Variants in PREX2 observed in about 807,000 individuals in gnomAD.
PREX2 encodes phosphatidylinositol-3,4,5-trisphosphate dependent Rac exchange factor 2.
PREX2 carries 107 observed loss-of-function variants against 203.2 expected under a neutral mutation model. The ratio of observed to expected loss-of-function variants is 0.53; its 90% CI spans 0.45 to 0.62. PREX2 has a LOEUF of 0.62. Among genes scored for constraint, PREX2 ranks in the 20% least tolerant of loss-of-function variants. The pLI, the probability that PREX2 is intolerant of heterozygous loss-of-function variation, is 0.00. For synonymous variants in PREX2, 672 were observed against 663.6 expected (o/e 1.01, Z -0.19); for missense variants, 1,777 against 1,955.9 (o/e 0.91, Z 1.72).
chr8:68,024,852 T>G (rs796357166), intron 4 of PREX2, among the ~76,000 whole-genome samples: 10 of 152,096 alleles, frequency 6.6e-5, no homozygotes, highest in African/African-American at 2.4e-4. Flanking sequence ...TCTTAACATA[T>G]CAAATCCATA....
Position 68,233,173 on chromosome 8 carries a change from T to A in PREX2, c.*1795T>A, listed in dbSNP as rs949813186. 6.6e-6 allele frequency: 1 copy of A among 152,228 alleles called. No individual in the cohort carries two copies. Among genetic ancestry groups the A allele is most frequent in the Non-Finnish European group, 1.5e-5 (1 of 68,038 alleles). The allele number at this position is 152,228 out of a possible 1,614,324, so 9.4% of individuals were successfully genotyped here. ...TCAAGAAAAAGTTGAACATTTTGAA[T>A]TTAATAAAGATATCTTTACAAAAAT... is the stretch of plus-strand genomic sequence containing the variant. On this transcript the variant is annotated 3_prime_UTR_variant, in exon 40 of 40. Coordinates refer to ENST00000288368, the MANE Select transcript of PREX2 (RefSeq NM_024870.4).
chr8:68,077,778 A>G (rs988931890), intron 15 of PREX2, among the ~76,000 whole-genome samples: 1 of 152,194 alleles, frequency 6.6e-6, no homozygotes, highest in Admixed American at 6.5e-5. Context: ...TTAAGCTCAT[A>G]AACCTCTTTG....
chr8:68,106,466 A>G (rs1013968531), intron 23 of PREX2: 4 of 407,634 alleles, frequency 9.8e-6, no homozygotes. Context: ...TCATTTTGTT[A>G]ATAATTTCCT....
intron 1 of PREX2, among the ~76,000 whole-genome samples, chr8:67,959,512 A>G (rs1805575696): frequency 6.6e-6 from 1 of 152,118 alleles, no homozygotes; most frequent in African/African-American, 2.4e-5. Context: ...TAAAAAGGGA[A>G]CTAAAGCAGT....
chr8:68,022,219 G>T, intron 4 of PREX2, 79 bp downstream of exon 4: 1 of 750,316 alleles, frequency 1.3e-6, no homozygotes, highest in East Asian at 2.5e-5. Context: ...GCATCAATAT[G>T]GAGTAAAAAT....
At chr8:68,132,875 A>G (rs1013196042) in intron 31 of PREX2, among the ~76,000 whole-genome samples, 1 of 152,110 alleles carries the variant, frequency 6.6e-6, no homozygotes, top group African/African-American at 2.4e-5. Flanking sequence ...TATATATCCA[A>G]CCACCTGAAG....
intron 15 of PREX2, among the ~76,000 whole-genome samples, chr8:68,079,688 A>T (rs1809454283): frequency 6.6e-6 from 1 of 152,154 alleles, no homozygotes; most frequent in African/African-American, 2.4e-5. Flanking sequence ...AGCTGTCAGG[A>T]TCTCACTGAA....
At chr8:67,991,586 G>A (rs959631755) in intron 1 of PREX2, among the ~76,000 whole-genome samples, 4 of 152,038 alleles carry the variant, frequency 2.6e-5, no homozygotes, top group African/African-American at 4.8e-5. Context: ...ATCAGAATTC[G>A]CTAACTATCA....
intron 7 of PREX2, among the ~76,000 whole-genome samples, chr8:68,040,508 G>T (rs1156294786): frequency 6.6e-6 from 1 of 151,920 alleles, no homozygotes; most frequent in Non-Finnish European, 1.5e-5. Context: ...CAGGGCCTTT[G>T]TACTGGCTGT....
chr8:68,042,066 C>T (rs1808216822), intron 7 of PREX2, among the ~76,000 whole-genome samples: 1 of 152,040 alleles, frequency 6.6e-6, no homozygotes, highest in Admixed American at 6.6e-5. Flanking sequence ...AGCTGCTTCT[C>T]CATCTGTTCC....
chr8:68,209,969 C>T (rs893581837), intron 37 of PREX2, among the ~76,000 whole-genome samples: 1 of 152,092 alleles, frequency 6.6e-6, no homozygotes, highest in Non-Finnish European at 1.5e-5. Context: ...TAACACAAAA[C>T]AAGATCATAT....
rs376463884 is a variant in PREX2, at chr8:68,030,693, T to C, written c.705+35T>C. On this transcript the variant is annotated intron_variant, in intron 6 of 39. Coordinates refer to ENST00000288368, the MANE Select transcript of PREX2 (RefSeq NM_024870.4). The stretch of plus-strand genomic sequence containing the variant: ...CTTTGCTTGACAATCGAGCTTAAGA[T>C]AGTTTTATGTTGCAGGCCTCGTGCA... 3.1e-6 allele frequency: 5 copies of C among 1,604,706 alleles called. No individual in the cohort carries two copies. The African/African-American group carries it at 5.4e-5, about 17-fold the overall frequency.
chr8:68,147,461 G>T (rs185050358), intron 34 of PREX2, among the ~76,000 whole-genome samples: 1 of 152,122 alleles, frequency 6.6e-6, no homozygotes, highest in Non-Finnish European at 1.5e-5. Flanking sequence ...AGTCTCACGA[G>T]ATCTGATGGC....
Position 68,109,612 on chromosome 8 carries a change from T to C in PREX2, c.3135T>C (p.Cys1045=). ...TGAAAGAGGTGGAGATGTGTGTTTGTCAAATAGATGAGTAAGTGTTTTGTA... is the reference window on the plus strand; with the variant it reads ...TGAAAGAGGTGGAGATGTGTGTTTGCCAAATAGATGAGTAAGTGTTTTGTA... ...TALKEVEMCV[C]QIDDLLSSIT... Residue 1045 remains cysteine, a synonymous_variant, in exon 25 of 40, where the codon TGT becomes TGC. Coordinates refer to ENST00000288368, the MANE Select transcript of PREX2 (RefSeq NM_024870.4). The C allele has an allele frequency of 6.2e-7, 1 of 1,613,666 alleles. No homozygotes were observed. Among genetic ancestry groups the C allele is most frequent in the Admixed American group, 1.7e-5 (1 of 60,008 alleles).
chr8:68,215,753 G>A (rs780294712), intron 37 of PREX2, among the ~76,000 whole-genome samples: 11 of 152,152 alleles, frequency 7.2e-5, no homozygotes, highest in Middle Eastern at 3.4e-3. Context: ...TAACCAGGAT[G>A]GTCTCAATCT....
chr8:68,229,283 C>T (rs949275354), intron 39 of PREX2, among the ~76,000 whole-genome samples: 1 of 152,134 alleles, frequency 6.6e-6, no homozygotes, highest in Non-Finnish European at 1.5e-5. Context: ...AAACCTTTTT[C>T]GTGCAGGGCC....
chr8:68,204,678 C>CTTTTTTTTTTTTTTTTTTTTTT (rs1192583427), intron 37 of PREX2, among the ~76,000 whole-genome samples: 5 of 83,426 alleles, frequency 6.0e-5, no homozygotes, highest in Admixed American at 1.6e-4. Flanking sequence ...TTTCTTCTTT[C>CTTTTTTTTTTTTTTTTTTTTTT]TTTTTTTTTT....
At position 68,060,761 on chromosome 8, in the gene PREX2, A is replaced by T. The variant is rs1808827037; in HGVS notation, c.1321A>T (p.Asn441Tyr). Residue 441 changes from asparagine (N) to tyrosine (Y), a missense_variant, in exon 11 of 40, where the codon AAT becomes TAT. Physicochemically the swap from Asn to Tyr is moderately radical, Grantham distance 143. Transcript: ENST00000288368. ...GVHLGQALLE[N>Y]GIIHHVTDKH... ...GCACTTGGGACAAGCATTATTAGAAAATGGAATCATTCACCATGGTAATTA... is the reference window on the plus strand; with the variant it reads ...GCACTTGGGACAAGCATTATTAGAATATGGAATCATTCACCATGGTAATTA... 1 of 1,606,712 alleles carries T rather than the reference A, an allele frequency of 6.2e-7. No homozygotes were observed. Among genetic ancestry groups the T allele is most frequent in the African/African-American group, 1.3e-5 (1 of 74,668 alleles).
intron 25 of PREX2, chr8:68,110,887 A>T (rs1810520611): frequency 2.8e-6 from 1 of 356,348 alleles, no homozygotes; most frequent in Non-Finnish European, 5.5e-6. Flanking sequence ...TCTATTTCTA[A>T]TATGCTAGTT....
Sources: allele counts gnomAD v4.1 joint callset (sites outside exome capture counted in the v4.1 genomes callset), GRCh38; gene constraint gnomAD v4.1.1; transcripts MANE v1.5; gene names NCBI Gene and HGNC (gene_info 2026-07-23, HGNC 2026-07-21).